The following GABBR2 variants were observed in gnomAD, a reference collection of about 807,000 sequenced individuals.
The protein encoded by GABBR2 is gamma-aminobutyric acid type B receptor subunit 2, also known as G-protein coupled receptor 51.
In GABBR2, 23 loss-of-function variants were observed where a neutral mutation model predicts 105.6. The ratio of observed to expected loss-of-function variants is 0.22; its 90% CI spans 0.16 to 0.31. GABBR2 has a LOEUF of 0.31. Ranked by LOEUF, GABBR2 falls within the 10% of genes least tolerant of loss-of-function variation. The pLI is 1.00. For synonymous variants in GABBR2, 478 were observed against 499.7 expected, an observed-to-expected ratio of 0.96 and a Z score of 0.58; for missense variants, 734 against 1,245.5, an observed-to-expected ratio of 0.59 and a Z score of 6.18.
chr9:98,311,047 C>A (rs753453517), intron 14 of GABBR2, 48 bp downstream of exon 14: 2 of 1,029,488 alleles, frequency 1.9e-6, no homozygotes, highest in Non-Finnish European at 3.1e-6. Context: ...GACAGAGGCC[C>A]AACAAAGAAG....
intron 3 of GABBR2, among the ~76,000 whole-genome samples, chr9:98,528,110 G>C (rs1221579076): frequency 6.6e-6 from 1 of 151,946 alleles, no homozygotes; most frequent in African/African-American, 2.4e-5. Flanking sequence ...ATAAAATGTG[G>C]CTACTAGAAA....
rs77427150 is a variant in GABBR2, at chr9:98,476,848, A to G, written c.799-3502T>C. Among the ~76,000 whole-genome samples, 1,500 of 152,346 alleles carry G rather than the reference A, an allele frequency of 9.8e-3. 12 individuals carry two copies. Among genetic ancestry groups the G allele is most frequent in the Middle Eastern group, 0.034 (10 of 294 alleles). On this transcript the variant is annotated intron_variant, in intron 5 of 18. Transcript: ENST00000259455. ...CTGAATTTGCTGCTTTTAAACTGCT[A>G]TAGACTTGGAAAGTAGGGCGCCTAG...
chr9:98,334,877 C>A (rs569258682), intron 13 of GABBR2, among the ~76,000 whole-genome samples: 1 of 152,310 alleles, frequency 6.6e-6, no homozygotes, highest in East Asian at 1.9e-4. Context: ...TAAACAAGGG[C>A]AGAAAAGAAT....
At chr9:98,637,674 C>T (rs1230790847) in intron 1 of GABBR2, among the ~76,000 whole-genome samples, 1 of 152,018 alleles carries the variant, frequency 6.6e-6, no homozygotes, top group Non-Finnish European at 1.5e-5. Context: ...TCCAAGGGGA[C>T]CATGAGCCAA....
chr9:98,300,757 T>A (rs1830456060), intron 16 of GABBR2, among the ~76,000 whole-genome samples: 1 of 152,198 alleles, frequency 6.6e-6, no homozygotes, highest in Admixed American at 6.5e-5. Flanking sequence ...TGTAATCTGA[T>A]GTAGGTCAAA....
chr9:98,534,145 C>T (rs1008267153), intron 3 of GABBR2, among the ~76,000 whole-genome samples: 3 of 152,194 alleles, frequency 2.0e-5, no homozygotes, highest in Admixed American at 6.5e-5. Context: ...AGGCAGGGCC[C>T]TGGAGGGCCT....
At chr9:98,491,877 G>A in intron 4 of GABBR2, among the ~76,000 whole-genome samples, 1 of 152,156 alleles carries the variant, frequency 6.6e-6, no homozygotes, top group Non-Finnish European at 1.5e-5. Context: ...AATGATCCCT[G>A]CTCAGCCGTT....
intron 1 of GABBR2, among the ~76,000 whole-genome samples, chr9:98,594,042 T>C (rs1267680314): frequency 5.3e-5 from 8 of 152,182 alleles, no homozygotes; most frequent in Non-Finnish European, 1.2e-4. Context: ...GCACCTGTTT[T>C]CAGAGGCCCA....
At chr9:98,410,505 C>CTTTTTTTTT (rs5899341) in intron 7 of GABBR2, among the ~76,000 whole-genome samples, 109 of 126,472 alleles carry the variant, frequency 8.6e-4, no homozygotes, top group Non-Finnish European at 1.3e-3. Context: ...GAGGGAAAAG[C>CTTTTTTTTT]TTTTTTTTTT....
At chr9:98,659,990 T>A (rs1205272408) in intron 1 of GABBR2, among the ~76,000 whole-genome samples, 3 of 152,234 alleles carry the variant, frequency 2.0e-5, no homozygotes, top group Admixed American at 6.5e-5. Context: ...AGACATTTTA[T>A]ATGCATATTT....
At chr9:98,552,086 G>C (rs1029826946) in intron 2 of GABBR2, 2 of 152,162 alleles carry the variant, frequency 1.3e-5, no homozygotes, top group Non-Finnish European at 2.9e-5. Context: ...CCAGCTTCAG[G>C]ATCTTTATGA....
At position 98,446,077 on chromosome 9, in the gene GABBR2, G is replaced by A. The variant is rs530997442; in HGVS notation, c.1236+7904C>T. On this transcript the variant is annotated intron_variant, in intron 7 of 18. Coordinates refer to ENST00000259455, the MANE Select transcript of GABBR2 (RefSeq NM_005458.8). Reference sequence around the variant, plus strand: ...TCTTGCTTAGAGGCAGAGTTTACTTGGTTCTGTGTGGATAGTAAACCACTC... The same window carrying A: ...TCTTGCTTAGAGGCAGAGTTTACTTAGTTCTGTGTGGATAGTAAACCACTC... Among the ~76,000 whole-genome samples the A allele has an allele frequency of 7.9e-5, 12 of 152,258 alleles. No individual in the cohort carries two copies. In the South Asian group the frequency reaches 2.5e-3, roughly 32 times the overall value.
chr9:98,680,531 G>A (rs567175588), intron 1 of GABBR2, among the ~76,000 whole-genome samples: 13 of 151,912 alleles, frequency 8.6e-5, no homozygotes, highest in Non-Finnish European at 1.8e-4. Flanking sequence ...TGATGGTCTC[G>A]ATCTCCTGAC....
At chr9:98,605,195 G>A (rs749646257) in intron 1 of GABBR2, among the ~76,000 whole-genome samples, 6 of 152,350 alleles carry the variant, frequency 3.9e-5, no homozygotes, top group South Asian at 2.1e-4. Context: ...GTGCAACAGC[G>A]GAGTAGCCAT....
chr9:98,607,911 G>T, intron 1 of GABBR2: 1 of 1,440,280 alleles, frequency 6.9e-7, no homozygotes, highest in Admixed American at 2.0e-5. Flanking sequence ...TGTTTGAGAT[G>T]AAGGTCAAAG....
At chr9:98,696,922 G>C (rs1830760220) in intron 1 of GABBR2, among the ~76,000 whole-genome samples, 1 of 152,162 alleles carries the variant, frequency 6.6e-6, no homozygotes, top group African/African-American at 2.4e-5. Flanking sequence ...AAATGGGAGA[G>C]GGTGGGGTTG....
At chr9:98,418,121 T>C (rs1832720404) in intron 7 of GABBR2, among the ~76,000 whole-genome samples, 1 of 152,020 alleles carries the variant, frequency 6.6e-6, no homozygotes, top group African/African-American at 2.4e-5. Context: ...TGCAACGAGC[T>C]CTTTCCCTTT....
At chr9:98,532,336 G>A (rs1350780729) in intron 3 of GABBR2, among the ~76,000 whole-genome samples, 1 of 152,194 alleles carries the variant, frequency 6.6e-6, no homozygotes, top group Non-Finnish European at 1.5e-5. Context: ...AGAAGGAGAG[G>A]ATGCTTGCTT....
chr9:98,483,179 G>A (rs1020139376), intron 4 of GABBR2, among the ~76,000 whole-genome samples: 8 of 152,022 alleles, frequency 5.3e-5, no homozygotes, highest in African/African-American at 1.9e-4. Context: ...CAGGAACTTG[G>A]GAGTCATCTT....
Sources: gnomAD v4.1 joint callset for allele counts (sites outside exome capture counted in the v4.1 genomes callset) on GRCh38, gnomAD v4.1.1 for gene constraint, MANE v1.5 for transcripts, NCBI Gene and HGNC (gene_info 2026-07-23, HGNC 2026-07-21) for gene names.